CRLS1: variants seen among roughly 807,000 people sequenced by gnomAD.
CRLS1 encodes cardiolipin synthase (CMP-forming).
Under a neutral mutation model 37.0 loss-of-function variants are expected in CRLS1, and 24 were observed. The observed-to-expected ratio is 0.65, with a 90% CI of 0.47 to 0.91. CRLS1 has a LOEUF of 0.91. Among genes scored for constraint, CRLS1 ranks in the 40% least tolerant of loss-of-function variants. The pLI, the probability that CRLS1 is intolerant of heterozygous loss-of-function variation, is 0.00. For missense variants in CRLS1, 373 were observed against 395.8 expected (o/e 0.94, Z 0.49); for synonymous variants, 135 against 159.7 (o/e 0.85, Z 1.17).
chr20:6,010,171 TGAAAGAA>T (rs1297136238), intron 2 of CRLS1, among the ~76,000 whole-genome samples: 1 of 150,466 alleles, frequency 6.6e-6, no homozygotes, highest in East Asian at 1.9e-4. Flanking sequence ...TTTTTAAGAG[TGAAAGAA>T]ACACCCTTAG....
intron 1 of CRLS1, 71 bp downstream of exon 1, chr20:6,006,623 C>G (rs1020055903): frequency 3.2e-5 from 39 of 1,230,248 alleles, no homozygotes; most frequent in Non-Finnish European, 3.8e-5. Flanking sequence ...AGGTAACAAG[C>G]TCTGGGTGGT....
At chr20:6,007,303 C>T in intron 1 of CRLS1, 1 of 1,578,702 alleles carries the variant, frequency 6.3e-7, no homozygotes, top group Non-Finnish European at 8.6e-7. Flanking sequence ...GTCTCAACTC[C>T]ACTGATAGCT....
chr20:6,026,313 TTG>T lies in CRLS1; in HGVS notation c.575-4944_575-4943del, dbSNP rs147968796. 2.7e-3 allele frequency: 406 copies of T among 148,194 alleles called. 3 individuals are homozygous for T. The highest frequency in any genetic ancestry group is 0.022 in the East Asian group (112 of 5,086). 9.2% of individuals were successfully genotyped at this position (148,194 alleles called of 1,614,324 possible). ...GATTGTTAGCATGTGGTGTGAGTGT[TTG>T]TGTGTGTGTGTGTGTGTGTGTGTGT... On this transcript the variant is annotated intron_variant, in intron 3 of 6. Coordinates refer to ENST00000378863, the MANE Select transcript of CRLS1 (RefSeq NM_019095.6).
chr20:6,011,323 C>G (rs1251317565), intron 2 of CRLS1, among the ~76,000 whole-genome samples: 1 of 151,960 alleles, frequency 6.6e-6, no homozygotes, highest in African/African-American at 2.4e-5. Flanking sequence ...CTGTTCTCTT[C>G]GAGGTTCATA....
intron 3 of CRLS1, among the ~76,000 whole-genome samples, chr20:6,027,834 G>C (rs996820618): frequency 6.6e-6 from 1 of 152,232 alleles, no homozygotes; most frequent in Non-Finnish European, 1.5e-5. Context: ...CACAGCCCTA[G>C]CAGTAAGGTG....
intron 2 of CRLS1, among the ~76,000 whole-genome samples, chr20:6,011,247 T>C (rs559188333): frequency 8.5e-5 from 13 of 152,254 alleles, no homozygotes; most frequent in African/African-American, 3.1e-4. Flanking sequence ...ATTTATTGAG[T>C]GAGAATCGAG....
chr20:6,013,157 A>G (rs1433272588), intron 2 of CRLS1, among the ~76,000 whole-genome samples: 1 of 152,042 alleles, frequency 6.6e-6, no homozygotes, highest in East Asian at 1.9e-4. Flanking sequence ...ATAGATAGAT[A>G]TAAAATCCTA....
intron 3 of CRLS1, among the ~76,000 whole-genome samples, chr20:6,020,159 A>G (rs1342021381): frequency 2.6e-5 from 4 of 152,196 alleles, no homozygotes; most frequent in Admixed American, 6.5e-5. Context: ...TTTTTTTCCT[A>G]TACGCCTTCA....
intron 5 of CRLS1, 83 bp downstream of exon 5, chr20:6,032,163 A>G: frequency 9.3e-7 from 1 of 1,073,668 alleles, no homozygotes. Flanking sequence ...AGAACAGCTG[A>G]AAATGAGACA....
chr20:6,034,383 T>A (rs1980396774), intron 5 of CRLS1, 81 bp from the exon 6 acceptor site: 1 of 885,412 alleles, frequency 1.1e-6, no homozygotes, highest in South Asian at 1.4e-5. Flanking sequence ...TATAGTGTGA[T>A]GGGCTGTGCT....
intron 3 of CRLS1, among the ~76,000 whole-genome samples, chr20:6,018,281 GT>G (rs1303235316): frequency 6.7e-6 from 1 of 149,948 alleles, no homozygotes; most frequent in Non-Finnish European, 1.5e-5. Context: ...AATCAGTACT[GT>G]TTCTAATGTT....
At chr20:6,011,572 CT>C (rs559511975) in intron 2 of CRLS1, among the ~76,000 whole-genome samples, 153 of 27,830 alleles carry the variant, frequency 5.5e-3, no homozygotes, top group Non-Finnish European at 8.2e-3. Context: ...TTTGTCCCTG[CT>C]TTTTTTTTTT....
rs1188126910 is a variant in CRLS1, at chr20:6,006,475, C to T, written c.229C>T (p.Pro77Ser). Residue 77 changes from proline (P) to serine (S), a missense_variant, in exon 1 of 7, where the codon CCC becomes TCC. Transcript: ENST00000378863. The stretch of plus-strand genomic sequence containing the variant: ...CTGTTCGGGCGCGGGGAAGGCGGCT[C>T]CCAGGCCAGCGGCCGGAGCGGGCGC... ...NHCSGAGKAA[P>S]RPAAGAGAAA... The T allele has an allele frequency of 7.2e-7, 1 of 1,390,168 alleles. No homozygotes were observed. 86.1% of individuals were successfully genotyped at this position (1,390,168 alleles called of 1,614,324 possible).
At chr20:6,025,957 C>T (rs746635763) in intron 3 of CRLS1, among the ~76,000 whole-genome samples, 5 of 152,120 alleles carry the variant, frequency 3.3e-5, no homozygotes, top group East Asian at 1.9e-4. Context: ...GTGAAGATGT[C>T]GTGAACACTA....
intron 3 of CRLS1, among the ~76,000 whole-genome samples, chr20:6,019,405 G>GC (rs1979034581): frequency 6.6e-6 from 1 of 151,884 alleles, no homozygotes. Flanking sequence ...TCCTTGTGGA[G>GC]CAGGGCTACC....
Position 6,015,361 on chromosome 20 carries a change from T to C in CRLS1, c.445T>C (p.Leu149=), listed in dbSNP as rs777252451. The change falls in exon 3 of 7, where the codon TTG becomes CTG. Residue 149 remains leucine (L), a splice_region_variant and synonymous_variant. Transcript: ENST00000378863. ...TATAAAAAAAAACTTCTATTTTCAGTTGGATGGATTTATTGCTCGAAACTG... is the reference window on the plus strand; with the variant it reads ...TATAAAAAAAAACTTCTATTTTCAGCTGGATGGATTTATTGCTCGAAACTG... ...VFALAGLTDL[L]DGFIARNWAN... is the part of the protein sequence containing the mutation. 4.0e-5 allele frequency: 63 copies of C among 1,570,792 alleles called. No individual in the cohort carries two copies. The highest frequency in any genetic ancestry group is 5.4e-5 in the Non-Finnish European group (63 of 1,157,310).
Position 6,038,716 on chromosome 20 carries a change from T to G in CRLS1, c.*1558T>G, listed in dbSNP as rs1177369135. The G allele has an allele frequency of 6.6e-6, 1 of 152,200 alleles. No homozygotes were observed. The highest frequency in any genetic ancestry group is 1.5e-5 in the Non-Finnish European group (1 of 68,032). The allele number at this position is 152,200 out of a possible 1,614,324, so 9.4% of individuals were successfully genotyped here. A position where few individuals can be genotyped will look rare whatever the true frequency, so the allele number is the denominator to read the frequency against. ...TGACGGGTGAGCCACATAAGAATAA[T>G]GTTTAAAAAAGAGAGGACTTGAAGT... On this transcript the variant is annotated 3_prime_UTR_variant, in exon 7 of 7. Transcript: ENST00000378863.
chr20:6,034,170 T>G (rs1329607098), intron 5 of CRLS1, among the ~76,000 whole-genome samples: 1 of 152,236 alleles, frequency 6.6e-6, no homozygotes, highest in South Asian at 2.1e-4. Context: ...CAAATAATTT[T>G]GTAACATTTT....
chr20:6,023,448 G>A (rs1046549036), intron 3 of CRLS1: 3 of 152,064 alleles, frequency 2.0e-5, no homozygotes, highest in African/African-American at 7.2e-5. Context: ...TGGGAGTCCT[G>A]TTTTACTTTG....
Sources: gnomAD v4.1 joint callset for allele counts (sites outside exome capture counted in the v4.1 genomes callset) on GRCh38, gnomAD v4.1.1 for gene constraint, MANE v1.5 for transcripts, NCBI Gene and HGNC (gene_info 2026-07-23, HGNC 2026-07-21) for gene names.